The following CYTH3 variants were observed in gnomAD, a reference collection of about 807,000 sequenced individuals.
CYTH3 encodes cytohesin 3.
Under a neutral mutation model 55.1 loss-of-function variants are expected in CYTH3, and 23 were observed. The observed-to-expected ratio is 0.42, with a 90% CI of 0.30 to 0.59. CYTH3 has a LOEUF of 0.59. Ranked by LOEUF, CYTH3 falls within the 20% of genes least tolerant of loss-of-function variation. The probability of loss-of-function intolerance (pLI) is 0.20; values close to 1 mark genes in which losing one functional copy is unlikely to be tolerated. For missense variants in CYTH3, 413 were observed against 524.8 expected, an observed-to-expected ratio of 0.79 and a Z score of 2.08; for synonymous variants, 249 against 194.9, an observed-to-expected ratio of 1.28 and a Z score of -2.31.
At chr7:6,183,863 T>C (rs1479182756) in intron 4 of CYTH3, among the ~76,000 whole-genome samples, 1 of 151,788 alleles carries the variant, frequency 6.6e-6, no homozygotes, top group African/African-American at 2.4e-5. Context: ...TATAAGAACA[T>C]CACCCTAGAG....
rs1782875036 is a variant in CYTH3, at chr7:6,162,793, C to G, written c.*2151G>C. On this transcript the variant is annotated 3_prime_UTR_variant, in exon 13 of 13. Coordinates refer to ENST00000350796, the MANE Select transcript of CYTH3 (RefSeq NM_004227.4). The stretch of plus-strand genomic sequence containing the variant: ...TCCTTCCTGCTGCTTCTCCCAACAC[C>G]CAAAACAGAAAGCTCTGCATCCCCA... The G allele has an allele frequency of 6.6e-6, 1 of 152,478 alleles. No homozygotes were observed. The highest frequency in any genetic ancestry group is 2.4e-5 in the African/African-American group (1 of 41,452). The allele number at this position is 152,478 out of a possible 1,614,324, so 9.4% of individuals were successfully genotyped here.
chr7:6,259,755 TATTA>T lies in CYTH3; in HGVS notation c.34+12715_34+12718del, dbSNP rs1404871100. ...CATACATATATATAATATATATATA[TATTA>T]TATATATATATATTATATATATATA... On this transcript the variant is annotated intron_variant, in intron 1 of 12. Transcript: ENST00000350796. Among the ~76,000 whole-genome samples the T allele has an allele frequency of 7.2e-4, 9 of 12,430 alleles. 1 individual carries two copies. The highest frequency in any genetic ancestry group is 2.4e-3 in the African/African-American group (7 of 2,936). The allele number at this position is 12,430 out of a possible 152,430, so 8.2% of individuals were successfully genotyped here.
chr7:6,270,360 C>G lies in CYTH3; in HGVS notation c.34+2114G>C, dbSNP rs569078502. Among the ~76,000 whole-genome samples the G allele has an allele frequency of 4.1e-4, 63 of 152,308 alleles. No individual in the cohort carries two copies. In the South Asian group the frequency reaches 0.013, roughly 31 times the overall value. ...AAGGTTAAAAGTTATTTTCCAGCAC[C>G]TAACATGCTGGCTAGCATTTTGATG... On this transcript the variant is annotated intron_variant, in intron 1 of 12. Transcript: ENST00000350796.
chr7:6,254,113 C>T (rs566565316), intron 1 of CYTH3, among the ~76,000 whole-genome samples: 3 of 152,026 alleles, frequency 2.0e-5, no homozygotes, highest in South Asian at 2.1e-4. Flanking sequence ...ACCCGGGAGA[C>T]GGAGGTTGAA....
chr7:6,256,806 C>G (rs545263851), intron 1 of CYTH3, among the ~76,000 whole-genome samples: 1 of 152,180 alleles, frequency 6.6e-6, no homozygotes, highest in Non-Finnish European at 1.5e-5. Context: ...CAAGGGAGGG[C>G]AGGACACACC....
At chr7:6,185,367 C>A (rs563133703) in intron 4 of CYTH3, among the ~76,000 whole-genome samples, 1 of 151,104 alleles carries the variant, frequency 6.6e-6, no homozygotes, top group Non-Finnish European at 1.5e-5. Flanking sequence ...GGGCAGATCA[C>A]CTGAGGTCAG....
intron 1 of CYTH3, among the ~76,000 whole-genome samples, chr7:6,252,501 C>T (rs1220487360): frequency 6.6e-6 from 1 of 152,166 alleles, no homozygotes; most frequent in Non-Finnish European, 1.5e-5. Context: ...CTCCGAGACC[C>T]TGTTGCTATT....
At chr7:6,225,755 C>A (rs959762881) in intron 1 of CYTH3, among the ~76,000 whole-genome samples, 15 of 151,868 alleles carry the variant, frequency 9.9e-5, no homozygotes, top group African/African-American at 3.6e-4. Context: ...TCTCAGCTCA[C>A]TGCAACCTCC....
At chr7:6,180,969 T>C (rs1158928890) in intron 4 of CYTH3, among the ~76,000 whole-genome samples, 2 of 152,234 alleles carry the variant, frequency 1.3e-5, no homozygotes, top group Non-Finnish European at 2.9e-5. Context: ...TATTTGGTAC[T>C]TTCTATTTCA....
intron 6 of CYTH3, among the ~76,000 whole-genome samples, chr7:6,172,358 C>G (rs1783222953): frequency 2.0e-5 from 3 of 151,494 alleles, no homozygotes; most frequent in African/African-American, 7.3e-5. Context: ...CACCAGCAGC[C>G]TTCAGACTCA....
chr7:6,233,818 T>C (rs1779449429), intron 1 of CYTH3, among the ~76,000 whole-genome samples: 1 of 152,122 alleles, frequency 6.6e-6, no homozygotes, highest in South Asian at 2.1e-4. Flanking sequence ...TAAACAGGAA[T>C]CAATTTCTTA....
chr7:6,169,636 A>C lies in CYTH3; in HGVS notation c.823+899T>G, dbSNP rs1012194099. Among the ~76,000 whole-genome samples, 1 of 152,222 alleles carries C rather than the reference A, an allele frequency of 6.6e-6. No homozygotes were observed. Among genetic ancestry groups the C allele is most frequent in the African/African-American group, 2.4e-5 (1 of 41,464 alleles). On this transcript the variant is annotated intron_variant, in intron 9 of 12. Coordinates refer to ENST00000350796, the MANE Select transcript of CYTH3 (RefSeq NM_004227.4). The surrounding 1 kb of genome is among the most constrained non-coding windows in gnomAD (Gnocchi z 4.1). ...GCATCTCGCCCGCTTCACTGTGGGC[A>C]TAAGGCAACCATCCCCGCCCCGCAG...
intron 5 of CYTH3, among the ~76,000 whole-genome samples, chr7:6,175,346 A>G (rs1783317630): frequency 6.6e-6 from 1 of 152,126 alleles, no homozygotes. Context: ...ATTCTGATGA[A>G]GTAGAGTCTA....
At chr7:6,240,626 C>T (rs192068118) in intron 1 of CYTH3, among the ~76,000 whole-genome samples, 107 of 152,210 alleles carry the variant, frequency 7.0e-4, no homozygotes, top group African/African-American at 2.5e-3. Context: ...ACAATGCAGC[C>T]TTTTGGGGAA....
chr7:6,176,417 A>G (rs1220011160), intron 5 of CYTH3, among the ~76,000 whole-genome samples: 1 of 151,548 alleles, frequency 6.6e-6, no homozygotes, highest in African/African-American at 2.4e-5. Flanking sequence ...GCCCACCACC[A>G]CACCCAGCCA....
At chr7:6,187,206 A>G (rs1346796847) in intron 3 of CYTH3, 90 bp from the exon 4 acceptor site, 4 of 1,394,596 alleles carry the variant, frequency 2.9e-6, no homozygotes, top group Middle Eastern at 1.8e-4. Context: ...CCCCGCAACA[A>G]CGGGCTCAAG....
At chr7:6,188,256 C>T (rs1486352760) in intron 2 of CYTH3, among the ~76,000 whole-genome samples, 1 of 151,822 alleles carries the variant, frequency 6.6e-6, no homozygotes, top group Admixed American at 6.6e-5. Flanking sequence ...CTGCATGAAC[C>T]CACGAGTTTG....
rs1325335951 is a variant in CYTH3, at chr7:6,170,425, G to A, written c.823+110C>T. 9.0e-6 allele frequency: 9 copies of A among 1,000,940 alleles called. No individual in the cohort carries two copies. The highest frequency in any genetic ancestry group is 1.3e-5 in the Non-Finnish European group (9 of 681,174). The allele number at this position is 1,000,940 out of a possible 1,614,324, so 62.0% of individuals were successfully genotyped here. A position where few individuals can be genotyped will look rare whatever the true frequency, so the allele number is the denominator to read the frequency against. On this transcript the variant is annotated intron_variant, in intron 9 of 12. Transcript: ENST00000350796. This position sits in a 1 kb window ranked among gnomAD's most constrained non-coding sequence, Gnocchi z 7.8. The stretch of plus-strand genomic sequence containing the variant: ...TGGCTTAACCGCGTTTCTTTTTAAC[G>A]TCTCTGCCTGCGGTGGGGGGCATTC...
intron 1 of CYTH3, among the ~76,000 whole-genome samples, chr7:6,236,128 T>C (rs1779516248): frequency 6.6e-6 from 1 of 152,198 alleles, no homozygotes; most frequent in Non-Finnish European, 1.5e-5. Context: ...CTGCGGAATC[T>C]TAAACTGTAT....
Sources: gnomAD v4.1 joint callset for allele counts (sites outside exome capture counted in the v4.1 genomes callset) on GRCh38, gnomAD v4.1.1 for gene constraint, Gnocchi (gnomAD v3.1) non-coding constraint, MANE v1.5 for transcripts, NCBI Gene and HGNC (gene_info 2026-07-23, HGNC 2026-07-21) for gene names.